PAK6: variants seen among roughly 807,000 people sequenced by gnomAD.
The protein encoded by PAK6 is serine/threonine-protein kinase PAK 6.
A neutral mutation model predicts 60.8 loss-of-function variants in PAK6; 33 were observed. That is an observed-to-expected ratio of 0.54 (90% confidence interval 0.41 to 0.73). The LOEUF is 0.73. Ranked by LOEUF, PAK6 falls within the 30% of genes least tolerant of loss-of-function variation. The pLI, the probability that PAK6 is intolerant of heterozygous loss-of-function variation, is 0.00. For missense variants in PAK6, 845 were observed against 904.1 expected (o/e 0.93, Z 0.84); for synonymous variants, 404 against 378.5 (o/e 1.07, Z -0.78).
intron 2 of PAK6, chr15:40,251,161 C>G (rs370117579): frequency 6.6e-6 from 1 of 152,488 alleles, no homozygotes; most frequent in Non-Finnish European, 1.5e-5. Context: ...GAGGAGGCGA[C>G]AGAGTAAGGG....
intron 2 of PAK6, chr15:40,251,686 A>G (rs1376747034): frequency 1.3e-5 from 2 of 152,612 alleles, no homozygotes; most frequent in East Asian, 3.9e-4. Flanking sequence ...CTTCCTCAGC[A>G]CTCAGCCAGA....
At chr15:40,252,430 A>G in intron 2 of PAK6, 2 of 1,357,130 alleles carry the variant, frequency 1.5e-6, no homozygotes, top group Non-Finnish European at 2.0e-6. Context: ...GAAAGAGTTG[A>G]GCAGCACGGC....
rs2140999346 is a variant in PAK6, at chr15:40,276,505, CT to C, written c.*413del. On this transcript the variant is annotated 3_prime_UTR_variant, in exon 11 of 11. Coordinates refer to ENST00000560346, the Ensembl canonical transcript of PAK6. ...AGATACCTGCTGTTCTCAGCTCCAG[CT>C]TCAAACCTCGAGTCTCGAGAGGGCC... 6.0e-5 allele frequency: 10 copies of C among 167,168 alleles called. 2 individuals are homozygous for C. Among genetic ancestry groups the C allele is most frequent in the African/African-American group, 2.4e-4 (10 of 42,082 alleles). The allele number at this position is 167,168 out of a possible 1,614,324, so 10.4% of individuals were successfully genotyped here. A position where few individuals can be genotyped will look rare whatever the true frequency, so the allele number is the denominator to read the frequency against.
intron 2 of PAK6, chr15:40,251,330 G>C (rs1243071836): frequency 6.6e-6 from 1 of 152,212 alleles, no homozygotes; most frequent in African/African-American, 2.4e-5. Context: ...AGGGCATTGG[G>C]CTTGTGGTGC....
At chr15:40,261,089 C>G (rs751902097) in intron 3 of PAK6, among the ~76,000 whole-genome samples, 5 of 151,784 alleles carry the variant, frequency 3.3e-5, no homozygotes, top group African/African-American at 4.8e-5. Context: ...GGGGTTTCAC[C>G]GTGTTAGCCA....
At chr15:40,261,135 A>G (rs1052494925) in intron 3 of PAK6, among the ~76,000 whole-genome samples, 7 of 151,342 alleles carry the variant, frequency 4.6e-5, no homozygotes, top group Admixed American at 2.6e-4. Flanking sequence ...TGATTCGCCC[A>G]CCTCGGCCTC....
chr15:40,265,076 G>T, intron 4 of PAK6, 87 bp downstream of exon 4: 1 of 1,172,874 alleles, frequency 8.5e-7, no homozygotes, highest in South Asian at 1.5e-5. Flanking sequence ...GCCCCTGGAG[G>T]AACCACCTAC....
rs773389821 is a variant in PAK6 at position 40,272,848 on chromosome 15, G to A, written c.1357-18G>A. ...TCTGGGCACTGTGCCTGGCACTCAGGCCCCCGCCTGCCCCCAGGTGGTGAT... is the reference window on the plus strand; with the variant it reads ...TCTGGGCACTGTGCCTGGCACTCAGACCCCCGCCTGCCCCCAGGTGGTGAT... On this transcript the variant is annotated intron_variant, in intron 6 of 10. Transcript: ENST00000560346. 6.2e-7 allele frequency: 1 copy of A among 1,611,912 alleles called. No individual in the cohort carries two copies. The highest frequency in any genetic ancestry group is 2.2e-5 in the East Asian group (1 of 44,864).
chr15:40,266,035 C>T lies in PAK6; in HGVS notation c.398C>T (p.Pro133Leu), dbSNP rs765214803. ...GACCCAGACATGTACCTCCAGAGCC[C>T]CCAGTCTGAGCGCACTGACCCCCAC... Residue 133 changes from proline (P) to leucine (L), a missense_variant, in exon 5 of 11, where the codon CCC becomes CTC. Transcript: ENST00000560346. 1.0e-5 allele frequency: 16 copies of T among 1,605,280 alleles called. No homozygotes were observed. The Middle Eastern group carries it at 4.9e-4, about 50-fold the overall frequency.
chr15:40,254,056 C>T lies in PAK6; in HGVS notation c.-6+767C>T, dbSNP rs548204387. 3.3e-5 allele frequency among the ~76,000 whole-genome samples: 5 copies of T among 152,278 alleles called. No individual in the cohort carries two copies. The South Asian group carries it at 8.3e-4, about 25-fold the overall frequency. On this transcript the variant is annotated intron_variant, in intron 3 of 10. Transcript: ENST00000560346. ...TTCAGCCTGCAGTGCCATGAATTCTCCTCCATAGTATATAGGACAGTGGCC... is the reference window on the plus strand; with the variant it reads ...TTCAGCCTGCAGTGCCATGAATTCTTCTCCATAGTATATAGGACAGTGGCC...
chr15:40,250,259 G>C (rs1281593762), intron 2 of PAK6, among the ~76,000 whole-genome samples: 2 of 152,244 alleles, frequency 1.3e-5, no homozygotes, highest in African/African-American at 4.8e-5. Flanking sequence ...GGATGATTCA[G>C]TGTGTATCCC....
intron 2 of PAK6, among the ~76,000 whole-genome samples, chr15:40,242,314 C>T (rs754959321): frequency 7.9e-5 from 12 of 152,224 alleles, no homozygotes; most frequent in Non-Finnish European, 7.3e-5. Flanking sequence ...AGATGCCCAC[C>T]GCACACAGTG....
At chr15:40,266,419 T>C in exon 5 of PAK6, 1 of 1,613,186 alleles carries the variant, frequency 6.2e-7, no homozygotes, top group South Asian at 1.1e-5. Context: ...CGCAGGCTAT[T>C]CCGAAGCATG....
intron 4 of PAK6, 23 bp downstream of exon 4, chr15:40,265,012 A>G (rs1253036730): frequency 1.9e-6 from 3 of 1,603,596 alleles, no homozygotes; most frequent in Non-Finnish European, 2.6e-6. Context: ...GGCAGGGATG[A>G]GGTTCAGCCT....
intron 9 of PAK6, 102 bp downstream of exon 9, chr15:40,273,778 T>C: frequency 7.2e-7 from 1 of 1,394,326 alleles, no homozygotes; most frequent in Non-Finnish European, 9.9e-7. Context: ...GCAGCCCTGG[T>C]TTTCAGAGTC....
intron 3 of PAK6, among the ~76,000 whole-genome samples, chr15:40,257,910 A>G (rs568265829): frequency 6.6e-6 from 1 of 152,158 alleles, no homozygotes; most frequent in South Asian, 2.1e-4. Flanking sequence ...ATCCGCCACA[A>G]AACTTACTCA....
chr15:40,274,530 G>A (rs1244414796), intron 10 of PAK6, among the ~76,000 whole-genome samples: 1 of 152,270 alleles, frequency 6.6e-6, no homozygotes, highest in Non-Finnish European at 1.5e-5. Flanking sequence ...AAGGGTTGCT[G>A]CTTGGCAGGC....
chr15:40,263,781 A>C (rs2039044770), intron 3 of PAK6: 1 of 397,882 alleles, frequency 2.5e-6, no homozygotes, highest in African/African-American at 2.1e-5. Flanking sequence ...GGCCCGGCTA[A>C]TTTCTTTGTA....
At chr15:40,266,322 C>A (rs778657940) in exon 5 of PAK6, 11 of 1,611,990 alleles carry the variant, frequency 6.8e-6, no homozygotes, top group Non-Finnish European at 8.5e-6. Context: ...GGAGGCCCGG[C>A]CACAGTCCTG....
Sources: allele counts gnomAD v4.1 joint callset (sites outside exome capture counted in the v4.1 genomes callset), GRCh38; gene constraint gnomAD v4.1.1; transcripts MANE v1.5; gene names NCBI Gene and HGNC (gene_info 2026-07-23, HGNC 2026-07-21).